Variants in FASTKD5 observed in about 807,000 individuals in gnomAD.
The protein encoded by FASTKD5 is FAST kinase domains 5.
FASTKD5 carries 30 observed loss-of-function variants against 44.0 expected under a neutral mutation model. That is an observed-to-expected ratio of 0.68 (90% CI 0.51 to 0.93). FASTKD5 has a LOEUF of 0.93. FASTKD5 is among the 40% of genes least tolerant of loss of function. The pLI, the probability that FASTKD5 is intolerant of heterozygous loss-of-function variation, is 0.00. For missense variants in FASTKD5, 868 were observed against 908.2 expected (o/e 0.96, Z 0.57); for synonymous variants, 335 against 342.2 (o/e 0.98, Z 0.23).
intron 1 of FASTKD5, among the ~76,000 whole-genome samples, chr20:3,158,017 C>A (rs565349128): frequency 3.9e-5 from 6 of 152,122 alleles, no homozygotes; most frequent in Non-Finnish European, 1.5e-5. Flanking sequence ...GGCAACCTCC[C>A]GGGCGAGGAT....
At chr20:3,155,047 AG>A (rs1346616461) in intron 1 of FASTKD5, among the ~76,000 whole-genome samples, 1 of 90,556 alleles carries the variant, frequency 1.1e-5, no homozygotes, top group South Asian at 5.2e-4. Context: ...AGCAAGACAC[AG>A]TCTCAAAAAA....
In FASTKD5 at chr20:3,149,739, G is replaced by A. The variant is rs2066605129; in HGVS notation, c.-190-479C>T. ...TGGTATAAAAGATAATTAGTTGGCT[G>A]GGTGTGGGTGGCTCATGCCTGTAAT... On this transcript the variant is annotated intron_variant, in intron 1 of 1. Coordinates refer to ENST00000380266, the MANE Select transcript of FASTKD5 (RefSeq NM_021826.5). The surrounding 1 kb of genome is among the most constrained non-coding windows in gnomAD (Gnocchi z 4.1). Among the ~76,000 whole-genome samples, 1 of 152,198 alleles carries A rather than the reference G, an allele frequency of 6.6e-6. No individual in the cohort carries two copies. The highest frequency in any genetic ancestry group is 1.5e-5 in the Non-Finnish European group (1 of 68,050).
chr20:3,147,767 C>A lies in FASTKD5; in HGVS notation c.1304G>T (p.Trp435Leu). ...CTTATAATTCAGAGTTCCAAATGAC[C>A]ACAGAATCTTGGCAACATCTTTACT... ...CRSKDVAKILWSFGTLNYKPP... is the reference protein window; with the variant it reads ...CRSKDVAKILLSFGTLNYKPP... Residue 435 changes from tryptophan (W) to leucine (L), a missense_variant, in exon 2 of 2, where the codon TGG becomes TTG. Transcript: ENST00000380266. 6.2e-7 allele frequency: 1 copy of A among 1,614,114 alleles called. No homozygotes were observed. The highest frequency in any genetic ancestry group is 8.5e-7 in the Non-Finnish European group (1 of 1,180,028).
intron 1 of FASTKD5, among the ~76,000 whole-genome samples, chr20:3,152,479 G>A (rs1416345183): frequency 6.6e-6 from 1 of 152,028 alleles, no homozygotes; most frequent in Middle Eastern, 3.2e-3. Flanking sequence ...TGCAGCCCGG[G>A]CGATAGTGCA....
intron 1 of FASTKD5, among the ~76,000 whole-genome samples, chr20:3,157,855 T>C (rs781567401): frequency 1.3e-5 from 2 of 152,226 alleles, no homozygotes; most frequent in Non-Finnish European, 2.9e-5. Context: ...ATAGAGGCTG[T>C]ATAGTACATA....
At position 3,148,039 on chromosome 20, in the gene FASTKD5, A is replaced by G; in HGVS notation, c.1032T>C (p.Ala344=). Residue 344 remains alanine (A), a synonymous_variant, in exon 2 of 2, where the codon GCT becomes GCC. Transcript: ENST00000380266. ...TACTCAGATGCTGAATGTTAGCACA[A>G]GCCAAGTCTCCAATTTTCCGCATGA... is the stretch of plus-strand genomic sequence containing the variant. ...EFVMRKIGDL[A]CANIQHLSSR... The G allele has an allele frequency of 3.1e-6, 5 of 1,614,210 alleles. No homozygotes were observed. Among genetic ancestry groups the G allele is most frequent in the Non-Finnish European group, 4.2e-6 (5 of 1,180,038 alleles).
intron 1 of FASTKD5, chr20:3,151,732 T>C (rs1265112731): frequency 6.6e-6 from 1 of 152,094 alleles, no homozygotes; most frequent in Non-Finnish European, 1.5e-5. Flanking sequence ...ATTTAGATGA[T>C]AATTGAAGAT....
chr20:3,146,907 T>C lies in FASTKD5; in HGVS notation c.2164A>G (p.Arg722Gly), dbSNP rs1314331015. ...RDLLGLHNMK[R>G]RQLARLGYRV... ...TAGCCAAGCCGAGCCAGCTGCCGCC[T>C]CTTCATATTGTGCAGTCCAAGGAGA... The change falls in exon 2 of 2, where the codon AGG becomes GGG. Residue 722 changes from arginine to glycine, a missense_variant. Arg to Gly is a moderately radical substitution (Grantham distance 125). Coordinates refer to ENST00000380266, the MANE Select transcript of FASTKD5 (RefSeq NM_021826.5). The C allele has an allele frequency of 6.2e-7, 1 of 1,614,052 alleles. No homozygotes were observed. Among genetic ancestry groups the C allele is most frequent in the African/African-American group, 1.3e-5 (1 of 74,910 alleles).
At chr20:3,150,757 C>G (rs889599102) in intron 1 of FASTKD5, 3 of 152,204 alleles carry the variant, frequency 2.0e-5, no homozygotes, top group Admixed American at 1.3e-4. Context: ...TGGCTCTGTT[C>G]CAGTAGCCCA....
Position 3,146,845 on chromosome 20 carries a change from T to C in FASTKD5, c.2226A>G (p.Pro742=), listed in dbSNP as rs771109348. 1.2e-6 allele frequency: 2 copies of C among 1,614,196 alleles called. No homozygotes were observed. The highest frequency in any genetic ancestry group is 3.3e-5 in the Admixed American group (2 of 60,018). Residue 742 remains proline, a synonymous_variant, in exon 2 of 2, where the codon CCA becomes CCG. Coordinates refer to ENST00000380266, the MANE Select transcript of FASTKD5 (RefSeq NM_021826.5). ...VVELSYWEWL[P]LLKRTRLEKL... Reference sequence around the variant, plus strand: ...TTTCTAAGCGAGTTCGTTTCAGTAGTGGGAGCCATTCCCAGTAGGATAACT... The same window carrying C: ...TTTCTAAGCGAGTTCGTTTCAGTAGCGGGAGCCATTCCCAGTAGGATAACT...
At chr20:3,154,431 T>G (rs1488882772) in intron 1 of FASTKD5, among the ~76,000 whole-genome samples, 1 of 152,336 alleles carries the variant, frequency 6.6e-6, no homozygotes, top group East Asian at 1.9e-4. Flanking sequence ...CCTGTAATCA[T>G]AGTACTCTGG....
In FASTKD5 at chr20:3,147,771, G is replaced by C; in HGVS notation, c.1300C>G (p.Leu434Val). Residue 434 changes from leucine to valine, a missense_variant, in exon 2 of 2, where the codon CTG becomes GTG. Physicochemically the swap from Leu to Val is conservative, Grantham distance 32. Transcript: ENST00000380266. ...HCRSKDVAKILWSFGTLNYKP... is the reference protein window; with the variant it reads ...HCRSKDVAKIVWSFGTLNYKP... ...TAATTCAGAGTTCCAAATGACCACA[G>C]AATCTTGGCAACATCTTTACTTCGA... is the stretch of plus-strand genomic sequence containing the variant. The C allele has an allele frequency of 4.3e-6, 7 of 1,614,174 alleles. No individual in the cohort carries two copies. Among genetic ancestry groups the C allele is most frequent in the Non-Finnish European group, 5.9e-6 (7 of 1,180,040 alleles).
rs763962639 is a variant in FASTKD5, at chr20:3,148,062, T to C, written c.1009A>G (p.Met337Val). The C allele has an allele frequency of 1.2e-6, 2 of 1,614,212 alleles. No individual in the cohort carries two copies. The highest frequency in any genetic ancestry group is 1.1e-5 in the South Asian group (1 of 91,082). ...CAAGCCAAGTCTCCAATTTTCCGCA[T>C]GACAAATTCAGAGAGATTAGTACTT... ...KSSTNLSEFV[M>V]RKIGDLACAN... Residue 337 changes from methionine (M) to valine (V), a missense_variant, in exon 2 of 2, where the codon ATG becomes GTG. Physicochemically the swap from Met to Val is conservative, Grantham distance 21. Coordinates refer to ENST00000380266, the MANE Select transcript of FASTKD5 (RefSeq NM_021826.5).
intron 1 of FASTKD5, among the ~76,000 whole-genome samples, chr20:3,155,109 G>C (rs530413057): frequency 1.3e-5 from 2 of 151,716 alleles, no homozygotes; most frequent in Admixed American, 6.6e-5. Flanking sequence ...TATAGTGATG[G>C]CCAGGATCAG....
intron 1 of FASTKD5, among the ~76,000 whole-genome samples, chr20:3,153,788 T>A (rs1461897344): frequency 6.6e-6 from 1 of 152,204 alleles, no homozygotes; most frequent in African/African-American, 2.4e-5. Context: ...AGACCAGAAG[T>A]GTTTCAGATT....
At position 3,147,280 on chromosome 20, in the gene FASTKD5, G is replaced by T; in HGVS notation, c.1791C>A (p.Asn597Lys). Reference sequence around the variant, plus strand: ...CTCTATTAAATGGTAATGGCTTCAGGTTAACATCAAGCTGGACCTCTAAGT... The same window carrying T: ...CTCTATTAAATGGTAATGGCTTCAGTTTAACATCAAGCTGGACCTCTAAGT... The part of the protein sequence containing the change: ...SSDLEVQLDV[N>K]LKPLPFNREA... The change falls in exon 2 of 2, where the codon AAC becomes AAA. Residue 597 changes from asparagine (N) to lysine (K), a missense_variant. Asn to Lys is a moderately conservative substitution (Grantham distance 94, BLOSUM62 0). Transcript: ENST00000380266. 6.2e-7 allele frequency: 1 copy of T among 1,614,186 alleles called. No homozygotes were observed. The highest frequency in any genetic ancestry group is 2.2e-5 in the East Asian group (1 of 44,888).
Position 3,146,784 on chromosome 20 carries a change from C to T in FASTKD5, c.2287G>A (p.Ala763Thr), listed in dbSNP as rs770160324. ...ATGCCCCTAAATGCCCTTCAGAGAG[C>T]AGAGGTGAATACTTTCTCATGAAGA... is the stretch of plus-strand genomic sequence containing the variant. Reference protein sequence around the residue: ...AFLHEKVFTSAL With the variant: ...AFLHEKVFTSTL The change falls in exon 2 of 2, where the codon GCT becomes ACT. Residue 763 changes from alanine (A) to threonine (T), a missense_variant. By Grantham distance (58) the Ala-to-Thr change is moderately conservative. Transcript: ENST00000380266. The T allele has an allele frequency of 6.2e-7, 1 of 1,613,160 alleles. No individual in the cohort carries two copies. The highest frequency in any genetic ancestry group is 8.5e-7 in the Non-Finnish European group (1 of 1,179,452).
In FASTKD5 at chr20:3,148,448, T is replaced by A. The variant is rs371675372; in HGVS notation, c.623A>T (p.Asn208Ile). 6.2e-7 allele frequency: 1 copy of A among 1,614,164 alleles called. No individual in the cohort carries two copies. Among genetic ancestry groups the A allele is most frequent in the Non-Finnish European group, 8.5e-7 (1 of 1,180,038 alleles). ...IQLFDTQDLI[N>I]VLKAFVILGI... ...TAAAATGACAAAAGCTTTCAAAACATTGATCAGATCTTGGGTATCAAAGAG... is the reference window on the plus strand; with the variant it reads ...TAAAATGACAAAAGCTTTCAAAACAATGATCAGATCTTGGGTATCAAAGAG... The change falls in exon 2 of 2, where the codon AAT becomes ATT. Residue 208 changes from asparagine (N) to isoleucine (I), a missense_variant. By Grantham distance (149) the Asn-to-Ile change is moderately radical (BLOSUM62 -3). Coordinates refer to ENST00000380266, the MANE Select transcript of FASTKD5 (RefSeq NM_021826.5).
rs1568481106 is a variant in FASTKD5, at chr20:3,147,292, C to T, written c.1779G>A (p.Gln593=). ...GTAATGGCTTCAGGTTAACATCAAGCTGGACCTCTAAGTCAGAAGATCGGG... is the reference window on the plus strand; with the variant it reads ...GTAATGGCTTCAGGTTAACATCAAGTTGGACCTCTAAGTCAGAAGATCGGG... ...PHTRSSDLEV[Q]LDVNLKPLPF... is the part of the protein sequence containing the mutation. The change falls in exon 2 of 2, where the codon CAG becomes CAA. Residue 593 remains glutamine, a synonymous_variant. Coordinates refer to ENST00000380266, the MANE Select transcript of FASTKD5 (RefSeq NM_021826.5). 2 of 1,614,214 alleles carry T rather than the reference C, an allele frequency of 1.2e-6. No homozygotes were observed. The highest frequency in any genetic ancestry group is 1.1e-5 in the South Asian group (1 of 91,086).
Sources: allele counts gnomAD v4.1 joint callset (sites outside exome capture counted in the v4.1 genomes callset), GRCh38; gene constraint gnomAD v4.1.1; non-coding constraint Gnocchi (gnomAD v3.1); transcripts MANE v1.5; gene names NCBI Gene and HGNC (gene_info 2026-07-23, HGNC 2026-07-21).